TTN: variants seen among roughly 807,000 people sequenced by gnomAD.
TTN encodes the protein titin, also known as connectin.
TTN carries 1,525 observed loss-of-function variants against 3,223.0 expected under a neutral mutation model. That is an observed-to-expected ratio of 0.47 (90% confidence interval 0.45 to 0.49). TTN has a LOEUF of 0.49. Among genes scored for constraint, TTN ranks in the 20% least tolerant of loss-of-function variants. TTN has a pLI of 0.00. For missense variants in TTN, 40,786 were observed against 43,424.0 expected (o/e 0.94, Z 5.40); for synonymous variants, 14,094 against 15,161.0 (o/e 0.93, Z 5.17).
At chr2:178,758,066 C>A in intron 44 of TTN, 150 bp from the exon 45 acceptor site, 1 of 822,140 alleles carries the variant, frequency 1.2e-6, no homozygotes, top group Non-Finnish European at 1.8e-6. Context: ...ACTATTGACT[C>A]GAAGTCACAC....
Position 178,614,369 on chromosome 2 carries a change from G to A in TTN, c.49049-21C>T, listed in dbSNP as rs779088653. On this transcript the variant is annotated intron_variant, in intron 261 of 362. Coordinates refer to ENST00000589042, the MANE Select transcript of TTN (RefSeq NM_001267550.2). ...TTTATCTGTGTATGGCATTACAGAT[G>A]CAGAAAAAAAAATTGTTCACCATTT... 1.5e-5 allele frequency: 24 copies of A among 1,578,896 alleles called. No homozygotes were observed. In the South Asian group the frequency reaches 2.7e-4, roughly 18 times the overall value.
At chr2:178,650,727 A>G (rs746426393) in intron 209 of TTN, 24 bp downstream of exon 209, 22 of 1,573,860 alleles carry the variant, frequency 1.4e-5, no homozygotes, top group Non-Finnish European at 1.9e-5. Flanking sequence ...TGGCAAGGTC[A>G]TTAATCACCG....
chr2:178,559,661 G>A lies in TTN; in HGVS notation c.86471C>T (p.Thr28824Ile), dbSNP rs200709344. The A allele has an allele frequency of 1.2e-4, 201 of 1,613,120 alleles. No homozygotes were observed. The highest frequency in any genetic ancestry group is 1.5e-4 in the Non-Finnish European group (182 of 1,179,528). Residue 28824 changes from threonine to isoleucine, a missense_variant, in exon 326 of 363, where the codon ACA becomes ATA. Thr to Ile is a moderately conservative substitution (Grantham distance 89). Transcript: ENST00000589042. ...ACTCAAAACATTCTGAATTGTTAAT[G>A]TGTACTTTCCAGAGTCATTTCTGTT... ...NANRNDSGKY[T>I]LTIQNVLSAA... is the part of the protein sequence containing the mutation.
chr2:178,688,528 G>T, intron 126 of TTN, 149 bp downstream of exon 126: 1 of 659,068 alleles, frequency 1.5e-6, no homozygotes, highest in Non-Finnish European at 2.7e-6. Context: ...GTCCCAGAAG[G>T]CTACAAAAGG....
chr2:178,582,806 G>A (rs1264321055), intron 313 of TTN, 134 bp downstream of exon 313: 4 of 963,464 alleles, frequency 4.2e-6, no homozygotes. Context: ...ACGTGGTTCT[G>A]TCATAAGAAT....
chr2:178,575,505 C>T lies in TTN; in HGVS notation c.70627G>A (p.Asp23543Asn). 6.2e-7 allele frequency: 1 copy of T among 1,613,642 alleles called. No homozygotes were observed. Among genetic ancestry groups the T allele is most frequent in the East Asian group, 2.2e-5 (1 of 44,846 alleles). The part of the protein sequence containing the change: ...PSPPDSLNIM[D>N]ITKSTVSLAW... The stretch of plus-strand genomic sequence containing the variant: ...AGGCTGACGGTGCTCTTAGTTATGT[C>T]CATGATGTTAAGGCTGTCTGGTGGA... The change falls in exon 326 of 363, where the codon GAC becomes AAC. Residue 23543 changes from aspartate (D) to asparagine (N), a missense_variant. By Grantham distance (23) the Asp-to-Asn change is conservative (BLOSUM62 1). Transcript: ENST00000589042. This position sits in a 1 kb window ranked among gnomAD's most constrained non-coding sequence, Gnocchi z 4.0.
In TTN at chr2:178,678,743, G is replaced by A. The variant is rs750851792; in HGVS notation, c.33826+4C>T. The A allele has an allele frequency of 2.3e-5, 37 of 1,600,588 alleles. No homozygotes were observed. Among genetic ancestry groups the A allele is most frequent in the Non-Finnish European group, 2.9e-5 (34 of 1,175,552 alleles). ...AAATATTGCAACATTGCAAGTTCAT[G>A]TACCTTTGGCAGGTGGAGCTTCCAC... On this transcript the variant is annotated splice_donor_region_variant and intron_variant, in intron 143 of 362. Coordinates refer to ENST00000589042, the MANE Select transcript of TTN (RefSeq NM_001267550.2).
At position 178,714,293 on chromosome 2, in the gene TTN, G is replaced by T; in HGVS notation, c.26481C>A (p.Leu8827=). 10 of 1,610,826 alleles carry T rather than the reference G, an allele frequency of 6.2e-6. No individual in the cohort carries two copies. Among genetic ancestry groups the T allele is most frequent in the Non-Finnish European group, 7.6e-6 (9 of 1,177,554 alleles). ...TGATAACATCATCTTTTTACTAACC[G>T]AGAACGGATAGCGTGGCGAAGCACT... The part of the protein sequence containing the change: ...MQECFATLSV[L]EPATIVEKPE... The change falls in exon 91 of 363, where the codon CTC becomes CTA. Residue 8827 remains leucine (L), a splice_region_variant and synonymous_variant. Transcript: ENST00000589042.
Position 178,534,677 on chromosome 2 carries a change from C to G in TTN, c.101938G>C (p.Glu33980Gln). 1.9e-6 allele frequency: 3 copies of G among 1,613,790 alleles called. No homozygotes were observed. Among genetic ancestry groups the G allele is most frequent in the Non-Finnish European group, 2.5e-6 (3 of 1,179,780 alleles). Residue 33980 changes from glutamate (E) to glutamine (Q), a missense_variant, in exon 358 of 363, where the codon GAA becomes CAA. Physicochemically the swap from Glu to Gln is conservative, Grantham distance 29 (BLOSUM62 2). Transcript: ENST00000589042. ...TGGTGGACTTCAGGTGCATAGTATT[C>G]TGGGGCAGTGAATAGAAGCCTGAAG... ...DNFRLLFTAP[E>Q]YYAPEVHQHD...
intron 6 of TTN, among the ~76,000 whole-genome samples, chr2:178,797,453 AT>A (rs1170898426): frequency 3.3e-5 from 5 of 150,884 alleles, no homozygotes; most frequent in African/African-American, 1.2e-4. Flanking sequence ...TTTGTGTTGC[AT>A]TTTTTTCCTT....
chr2:178,566,322 C>G lies in TTN; in HGVS notation c.79810G>C (p.Val26604Leu), dbSNP rs190407944. ...LDSELRKGIV[V>L]RAGGSARIHI... ...ATTCTGGCAGATCCACCAGCTCTTA[C>G]AACAATTCCTTTTCTTAATTCGGAG... The change falls in exon 326 of 363, where the codon GTA becomes CTA. Residue 26604 changes from valine (V) to leucine (L), a missense_variant. Coordinates refer to ENST00000589042, the MANE Select transcript of TTN (RefSeq NM_001267550.2). 1.2e-6 allele frequency: 2 copies of G among 1,613,630 alleles called. No individual in the cohort carries two copies. The highest frequency in any genetic ancestry group is 1.7e-6 in the Non-Finnish European group (2 of 1,179,680).
chr2:178,537,655 G>T lies in TTN; in HGVS notation c.99552C>A (p.Thr33184=), dbSNP rs775848810. ...TTGCTTGCAGGAGAAGCTTACTACT[G>T]GTTTCTACTTCTCCAACCTCATTGG... ...IATNEVGEVE[T]SSKLLLQATP... The change falls in exon 355 of 363, where the codon ACC becomes ACA. Residue 33184 remains threonine (T), a synonymous_variant. Coordinates refer to ENST00000589042, the MANE Select transcript of TTN (RefSeq NM_001267550.2). The T allele has an allele frequency of 2.0e-5, 32 of 1,613,614 alleles. No individual in the cohort carries two copies. The highest frequency in any genetic ancestry group is 1.6e-4 in the Middle Eastern group (1 of 6,078).
At chr2:178,792,392 G>T (rs1474757639) in intron 9 of TTN, among the ~76,000 whole-genome samples, 195 bp from the exon 10 acceptor site, 1 of 152,116 alleles carries the variant, frequency 6.6e-6, no homozygotes, top group Non-Finnish European at 1.5e-5. Flanking sequence ...AATTATGTAG[G>T]CTGCTTAGAG....
intron 112 of TTN, 148 bp from the exon 113 acceptor site, chr2:178,697,316 T>G (rs1322194244): frequency 3.1e-6 from 2 of 639,284 alleles, no homozygotes; most frequent in Non-Finnish European, 4.9e-6. Context: ...TAATAATGCT[T>G]CTATAATTTC....
chr2:178,588,364 TCTA>T, intron 304 of TTN, 145 bp from the exon 305 acceptor site: 5 of 1,166,590 alleles, frequency 4.3e-6, no homozygotes, highest in Non-Finnish European at 5.9e-6. Context: ...AAAATGAGAA[TCTA>T]CTATTGTTTG....
At chr2:178,774,581 G>T in intron 29 of TTN, 108 bp from the exon 30 acceptor site, 2 of 1,039,820 alleles carry the variant, frequency 1.9e-6, no homozygotes, top group Non-Finnish European at 2.8e-6. Flanking sequence ...ATACTATCAG[G>T]TGTATTCTTA....
chr2:178,734,958 G>A lies in TTN; in HGVS notation c.14966C>T (p.Pro4989Leu), dbSNP rs1560844298. The A allele has an allele frequency of 1.3e-6, 2 of 1,597,082 alleles. No individual in the cohort carries two copies. The highest frequency in any genetic ancestry group is 8.5e-7 in the Non-Finnish European group (1 of 1,169,878). The change falls in exon 51 of 363, where the codon CCC becomes CTC. Residue 4989 changes from proline to leucine, a missense_variant. Transcript: ENST00000589042. ...TTCACCTGGGAGCATTAAATAAGAG[G>A]GATCCACCTTCTTCACGAAGGATGG... Reference protein sequence around the residue: ...EPPSFVKKVDPSYLMLPGESA... With the variant: ...EPPSFVKKVDLSYLMLPGESA...
chr2:178,744,593 A>T, intron 47 of TTN: 2 of 921,160 alleles, frequency 2.2e-6, no homozygotes, highest in Admixed American at 6.2e-5. Context: ...TTAAAGATGA[A>T]ATTCAGTGAA....
Position 178,770,284 on chromosome 2 carries a change from G to A in TTN, c.8417C>T (p.Ala2806Val). 1 of 1,614,144 alleles carries A rather than the reference G, an allele frequency of 6.2e-7. No homozygotes were observed. The highest frequency in any genetic ancestry group is 1.3e-5 in the African/African-American group (1 of 75,062). Residue 2806 changes from alanine to valine, a missense_variant, in exon 36 of 363, where the codon GCC (alanine) becomes GTC (valine). By Grantham distance (64) the Ala-to-Val change is moderately conservative. Transcript: ENST00000589042. The stretch of plus-strand genomic sequence containing the variant: ...AAAGGCAACAGTGGCATTTTCCAAG[G>A]CTGTCACATCCTTTGGCTTTTTAAT... ...KIIKKPKDVT[A>V]LENATVAFEV... is the part of the protein sequence containing the mutation.
Sources: allele counts gnomAD v4.1 joint callset (sites outside exome capture counted in the v4.1 genomes callset), GRCh38; gene constraint gnomAD v4.1.1; non-coding constraint Gnocchi (gnomAD v3.1); transcripts MANE v1.5; gene names NCBI Gene and HGNC (gene_info 2026-07-23, HGNC 2026-07-21).